SLIT3: variants seen among roughly 807,000 people sequenced by gnomAD.
SLIT3 encodes the protein slit guidance ligand 3, also known as slit homolog 3 protein.
SLIT3 carries 68 observed loss-of-function variants against 184.0 expected under a neutral mutation model. That is an observed-to-expected ratio of 0.37 (90% confidence interval 0.30 to 0.45). The LOEUF (loss-of-function observed/expected upper bound fraction) is 0.45. SLIT3 is among the 20% of genes least tolerant of loss of function. SLIT3 has a pLI of 1.00. For missense variants in SLIT3, 1,707 were observed against 2,026.0 expected, an observed-to-expected ratio of 0.84 and a Z score of 3.02; for synonymous variants, 831 against 828.6, an observed-to-expected ratio of 1.00 and a Z score of -0.05.
At chr5:168,798,217 C>T (rs146281296) in intron 9 of SLIT3, among the ~76,000 whole-genome samples, 11 of 81,168 alleles carry the variant, frequency 1.4e-4, no homozygotes, top group South Asian at 1.2e-3. Flanking sequence ...TTTTCTTCTT[C>T]TTCTTCTTTT....
intron 23 of SLIT3, among the ~76,000 whole-genome samples, chr5:168,713,113 G>A (rs565338187): frequency 3.5e-4 from 53 of 152,304 alleles, no homozygotes; most frequent in Middle Eastern, 3.4e-3. Flanking sequence ...CTCAGCTCCC[G>A]AGGAGAGTCT....
chr5:168,687,642 C>T (rs1016923590), intron 29 of SLIT3, among the ~76,000 whole-genome samples: 7 of 152,200 alleles, frequency 4.6e-5, no homozygotes, highest in African/African-American at 1.4e-4. Flanking sequence ...CTCATTACCT[C>T]TCTGTGTTTC....
At chr5:169,150,725 G>C (rs1047768802) in intron 4 of SLIT3, among the ~76,000 whole-genome samples, 2 of 152,130 alleles carry the variant, frequency 1.3e-5, no homozygotes, top group Admixed American at 6.5e-5. Flanking sequence ...TTGTGACCTT[G>C]AACAAGAACT....
intron 4 of SLIT3, among the ~76,000 whole-genome samples, chr5:169,155,466 TC>T: frequency 6.6e-6 from 1 of 152,332 alleles, no homozygotes; most frequent in Non-Finnish European, 1.5e-5. Flanking sequence ...AAACCTTTTG[TC>T]CTAGGTAAAA....
intron 4 of SLIT3, among the ~76,000 whole-genome samples, chr5:169,161,050 T>G (rs1034254703): frequency 3.9e-5 from 6 of 152,240 alleles, no homozygotes; most frequent in African/African-American, 7.2e-5. Context: ...CGGATTTTTC[T>G]AGCTTCTCTC....
At chr5:169,166,409 T>C (rs1227665258) in intron 4 of SLIT3, among the ~76,000 whole-genome samples, 2 of 152,174 alleles carry the variant, frequency 1.3e-5, no homozygotes, top group Admixed American at 6.5e-5. Context: ...GAGATCATCT[T>C]GAGCAATGGG....
At chr5:169,218,055 G>T (rs1221970988) in intron 3 of SLIT3, among the ~76,000 whole-genome samples, 1 of 152,174 alleles carries the variant, frequency 6.6e-6, no homozygotes, top group African/African-American at 2.4e-5. Context: ...AAATGCTTTG[G>T]AGGTCTCCGA....
chr5:168,947,405 G>C (rs1762514437), intron 4 of SLIT3, among the ~76,000 whole-genome samples: 1 of 152,116 alleles, frequency 6.6e-6, no homozygotes, highest in African/African-American at 2.4e-5. Context: ...CCTGGTGCCT[G>C]GACTCCACTC....
intron 4 of SLIT3, among the ~76,000 whole-genome samples, chr5:169,188,252 T>C (rs2544821): frequency 0.52 from 78,926 of 151,712 alleles, 21,410 homozygotes; most frequent in East Asian, 0.83. Flanking sequence ...AGCCACTGTT[T>C]CCAGCCACGC....
intron 4 of SLIT3, among the ~76,000 whole-genome samples, chr5:169,157,100 C>T (rs1580997494): frequency 6.6e-6 from 1 of 152,182 alleles, no homozygotes; most frequent in Non-Finnish European, 1.5e-5. Context: ...CAAGTCCCTG[C>T]TGGAGTAGTA....
At chr5:168,862,335 C>A (rs1269566874) in intron 5 of SLIT3, among the ~76,000 whole-genome samples, 2 of 152,154 alleles carry the variant, frequency 1.3e-5, no homozygotes, top group Admixed American at 1.3e-4. Flanking sequence ...AACCAAATGC[C>A]ACCTGTTCCC....
At chr5:168,916,592 T>A (rs766473744) in intron 4 of SLIT3, among the ~76,000 whole-genome samples, 1 of 152,240 alleles carries the variant, frequency 6.6e-6, no homozygotes, top group Non-Finnish European at 1.5e-5. Flanking sequence ...AAATTAAGTG[T>A]ATCCCAGGCT....
At chr5:169,251,498 T>TAA (rs781213096) in intron 1 of SLIT3, 39 bp from the exon 2 acceptor site, 14 of 1,392,062 alleles carry the variant, frequency 1.0e-5, no homozygotes, top group Middle Eastern at 1.8e-4. Flanking sequence ...TTTTTGTGGG[T>TAA]TACAATTACG....
chr5:169,113,719 G>A (rs955742883), intron 4 of SLIT3, among the ~76,000 whole-genome samples: 5 of 144,796 alleles, frequency 3.5e-5, no homozygotes, highest in African/African-American at 1.3e-4. Context: ...GCAGTGGCTC[G>A]ATCACGGCTC....
intron 4 of SLIT3, among the ~76,000 whole-genome samples, chr5:168,950,699 C>CA (rs1393882100): frequency 1.3e-5 from 2 of 152,088 alleles, no homozygotes; most frequent in Non-Finnish European, 2.9e-5. Context: ...ACCCATTTTA[C>CA]AAAAAAATAC....
intron 12 of SLIT3, among the ~76,000 whole-genome samples, chr5:168,775,273 G>A (rs993545932): frequency 6.6e-6 from 1 of 152,020 alleles, no homozygotes; most frequent in Non-Finnish European, 1.5e-5. Flanking sequence ...CCTGACCCCA[G>A]GTGACCTGCC....
chr5:169,118,061 C>G (rs368707365), intron 4 of SLIT3, among the ~76,000 whole-genome samples: 1 of 151,732 alleles, frequency 6.6e-6, no homozygotes, highest in African/African-American at 2.4e-5. Flanking sequence ...CCTATTAATC[C>G]CAGTGCTTTG....
At chr5:169,046,535 C>T (rs977696148) in intron 4 of SLIT3, among the ~76,000 whole-genome samples, 1 of 152,182 alleles carries the variant, frequency 6.6e-6, no homozygotes, top group Non-Finnish European at 1.5e-5. Context: ...ACACTTGGAG[C>T]AGATCAGAAC....
chr5:169,037,918 A>T (rs1430381794), intron 4 of SLIT3: 1 of 152,252 alleles, frequency 6.6e-6, no homozygotes, highest in Admixed American at 6.5e-5. Flanking sequence ...CTGTGTTTAC[A>T]CTATTGTTTA....
Sources: allele counts gnomAD v4.1 joint callset (sites outside exome capture counted in the v4.1 genomes callset), GRCh38; gene constraint gnomAD v4.1.1; transcripts MANE v1.5; gene names NCBI Gene and HGNC (gene_info 2026-07-23, HGNC 2026-07-21).